Variants in ASH1L observed in about 807,000 individuals in gnomAD.
The protein encoded by ASH1L is ASH1 like histone lysine methyltransferase, also known as histone-lysine N-methyltransferase ASH1L.
Under a neutral mutation model 269.0 loss-of-function variants are expected in ASH1L, and 23 were observed. The ratio of observed to expected loss-of-function variants is 0.09; its 90% CI spans 0.06 to 0.12. The LOEUF (loss-of-function observed/expected upper bound fraction) is 0.12. ASH1L is among the 10% of genes least tolerant of loss of function. The pLI is 1.00. For synonymous variants in ASH1L, 1,187 were observed against 1,253.5 expected, an observed-to-expected ratio of 0.95 and a Z score of 1.12; for missense variants, 2,912 against 3,567.8, an observed-to-expected ratio of 0.82 and a Z score of 4.68.
intron 21 of ASH1L, among the ~76,000 whole-genome samples, chr1:155,344,991 T>G (rs780363401): frequency 2.2e-4 from 33 of 151,928 alleles, no homozygotes; most frequent in Non-Finnish European, 3.4e-4. Context: ...GGAGTCTCGC[T>G]CTGTTGGCAG....
chr1:155,449,844 C>G (rs1322658674), intron 4 of ASH1L, among the ~76,000 whole-genome samples: 1 of 152,032 alleles, frequency 6.6e-6, no homozygotes, highest in Non-Finnish European at 1.5e-5. Flanking sequence ...TATATTTTCC[C>G]ATTGGTTGAC....
chr1:155,408,140 A>C (rs146854068), intron 6 of ASH1L, among the ~76,000 whole-genome samples: 16 of 152,268 alleles, frequency 1.1e-4, no homozygotes, highest in South Asian at 4.1e-4. Flanking sequence ...AGTTTTACCT[A>C]CATCCATGTG....
intron 4 of ASH1L, among the ~76,000 whole-genome samples, chr1:155,451,345 A>C (rs1663450695): frequency 6.6e-6 from 1 of 152,224 alleles, no homozygotes. Flanking sequence ...GGACAGGGGA[A>C]TATGAAGTTC....
chr1:155,522,088 A>G (rs995456735), intron 1 of ASH1L, among the ~76,000 whole-genome samples: 2 of 152,212 alleles, frequency 1.3e-5, no homozygotes, highest in African/African-American at 4.8e-5. Context: ...CTGCATCAAC[A>G]TATCACGTTC....
rs1016141203 is a variant in ASH1L at position 155,521,685 on chromosome 1, G to A, written c.-99-67C>T. On this transcript the variant is annotated intron_variant, in intron 1 of 27. Coordinates refer to ENST00000392403, the MANE Select transcript of ASH1L (RefSeq NM_018489.3). ...AACTACTGATTAACATAAGTAATGGGTATAGGGGAAGACAAGGAGGTCAAC... is the reference window on the plus strand; with the variant it reads ...AACTACTGATTAACATAAGTAATGGATATAGGGGAAGACAAGGAGGTCAAC... The A allele has an allele frequency of 9.2e-6, 5 of 542,450 alleles. No individual in the cohort carries two copies. The Admixed American group carries it at 1.4e-4, about 16-fold the overall frequency. 33.6% of individuals were successfully genotyped at this position (542,450 alleles called of 1,614,324 possible). A position where few individuals can be genotyped will look rare whatever the true frequency, so the allele number is the denominator to read the frequency against.
intron 3 of ASH1L, among the ~76,000 whole-genome samples, chr1:155,464,166 G>A (rs1033008979): frequency 1.1e-4 from 16 of 152,214 alleles, no homozygotes; most frequent in Middle Eastern, 3.4e-3. Context: ...CATGTCTCAA[G>A]AGTAGCCATT....
At chr1:155,375,806 A>G (rs1016882237) in intron 10 of ASH1L, among the ~76,000 whole-genome samples, 3 of 151,978 alleles carry the variant, frequency 2.0e-5, no homozygotes, top group African/African-American at 7.2e-5. Flanking sequence ...CTCAAAAAAA[A>G]AAAAGAAAAA....
At chr1:155,395,829 C>T (rs573646153) in intron 6 of ASH1L, among the ~76,000 whole-genome samples, 1 of 151,932 alleles carries the variant, frequency 6.6e-6, no homozygotes, top group Non-Finnish European at 1.5e-5. Context: ...GAGACCCTGT[C>T]TCTACTTTTA....
chr1:155,390,853 G>A (rs992306475), intron 7 of ASH1L, among the ~76,000 whole-genome samples: 1 of 151,498 alleles, frequency 6.6e-6, no homozygotes, highest in Non-Finnish European at 1.5e-5. Context: ...GTTTCACCGT[G>A]TTAGCCAGGA....
intron 2 of ASH1L, among the ~76,000 whole-genome samples, chr1:155,514,610 ATCT>A (rs1341655371): frequency 4.4e-4 from 67 of 152,196 alleles, no homozygotes; most frequent in African/African-American, 1.4e-3. Context: ...AATTCAAGCG[ATCT>A]TCTTATTTGG....
At position 155,480,729 on chromosome 1, in the gene ASH1L, C is replaced by T. The variant is rs755862656; in HGVS notation, c.2141G>A (p.Gly714Glu). The T allele has an allele frequency of 6.2e-7, 1 of 1,613,552 alleles. No individual in the cohort carries two copies. Reference sequence around the variant, plus strand: ...CACTTTAGTCCACCGAGGTTTTCTTCCTTTTCTTTTTTTTAATGGTTTGGA... The same window carrying T: ...CACTTTAGTCCACCGAGGTTTTCTTTCTTTTCTTTTTTTTAATGGTTTGGA... ...LQSKPLKKRK[G>E]RKPRWTKVVA... is the part of the protein sequence containing the mutation. The change falls in exon 3 of 28, where the codon GGA becomes GAA. Residue 714 changes from glycine to glutamate, a missense_variant. Transcript: ENST00000392403.
At chr1:155,545,516 A>G (rs1258835462) in intron 1 of ASH1L, among the ~76,000 whole-genome samples, 1 of 151,996 alleles carries the variant, frequency 6.6e-6, no homozygotes, top group African/African-American at 2.4e-5. Flanking sequence ...AGCAAGCAAG[A>G]TCTCATATTT....
rs1244719517 is a variant in ASH1L, at chr1:155,386,234, AT to A, written c.6104-6119del. 2.6e-5 allele frequency among the ~76,000 whole-genome samples: 4 copies of A among 151,696 alleles called. No homozygotes were observed. In the East Asian group the frequency reaches 7.7e-4, roughly 29 times the overall value. On this transcript the variant is annotated intron_variant, in intron 7 of 27. Coordinates refer to ENST00000392403, the MANE Select transcript of ASH1L (RefSeq NM_018489.3). ...AGGAGCCCACCACCGTGCCCAACTA[AT>A]TTTTTTGTATTTTAAGTAGAGACAG...
chr1:155,381,374 G>A (rs1656926063), intron 7 of ASH1L, among the ~76,000 whole-genome samples: 1 of 149,112 alleles, frequency 6.7e-6, no homozygotes, highest in South Asian at 2.1e-4. Context: ...CCAACATAGT[G>A]AAACCCTGTA....
At position 155,342,100 on chromosome 1, in the gene ASH1L, T is replaced by C; in HGVS notation, c.8296A>G (p.Arg2766Gly). The change falls in exon 25 of 28, where the codon AGA becomes GGA. Residue 2766 changes from arginine to glycine, a missense_variant and splice_region_variant. Around this residue, in one of 13 missense-constraint regions of ASH1L, gnomAD observed 179 missense variants for 293.8 expected, o/e 0.61. Coordinates refer to ENST00000392403, the MANE Select transcript of ASH1L (RefSeq NM_018489.3). ...TCTTGCTCCTTTACTCCTTTGGGTC[T>C]CCCTATGGGTCCAACCAGTGTTAAG... ...VLDLYTYCKG[R>G]PKGVKEQDVY... 6.2e-7 allele frequency: 1 copy of C among 1,613,996 alleles called. No homozygotes were observed. Among genetic ancestry groups the C allele is most frequent in the South Asian group, 1.1e-5 (1 of 91,078 alleles).
chr1:155,451,294 C>T (rs751915679), intron 4 of ASH1L, among the ~76,000 whole-genome samples: 4 of 152,058 alleles, frequency 2.6e-5, no homozygotes, highest in East Asian at 1.9e-4. Flanking sequence ...AAACAAACAC[C>T]GTATGGTTCC....
At chr1:155,380,241 T>G in intron 7 of ASH1L, 125 bp from the exon 8 acceptor site, 1 of 660,678 alleles carries the variant, frequency 1.5e-6, no homozygotes. Context: ...TTTAAGGATT[T>G]TTCCATCACC....
At chr1:155,446,902 G>C (rs888406656) in intron 4 of ASH1L, among the ~76,000 whole-genome samples, 1 of 152,040 alleles carries the variant, frequency 6.6e-6, no homozygotes, top group Non-Finnish European at 1.5e-5. Flanking sequence ...CGCGCCCGGC[G>C]CTACATTTCA....
chr1:155,415,557 A>C (rs1412113322), intron 6 of ASH1L, among the ~76,000 whole-genome samples, 187 bp downstream of exon 6: 3 of 152,238 alleles, frequency 2.0e-5, no homozygotes, highest in African/African-American at 7.2e-5. Flanking sequence ...ATTTCCCCCC[A>C]CATCAGAAAG....
Sources: allele counts gnomAD v4.1 joint callset (sites outside exome capture counted in the v4.1 genomes callset), GRCh38; gene constraint gnomAD v4.1.1; regional missense constraint gnomAD v4.1.1; transcripts MANE v1.5; gene names NCBI Gene and HGNC (gene_info 2026-07-23, HGNC 2026-07-21).